SH3GL3: variants seen among roughly 807,000 people sequenced by gnomAD.
The protein encoded by SH3GL3 is SH3 domain containing GRB2 like 3, endophilin A3.
A neutral mutation model predicts 47.7 loss-of-function variants in SH3GL3; 33 were observed. That is an observed-to-expected ratio of 0.69 (90% CI 0.52 to 0.92). The LOEUF (loss-of-function observed/expected upper bound fraction) is 0.92. Among genes scored for constraint, SH3GL3 ranks in the 40% least tolerant of loss-of-function variants. The pLI is 0.00. For synonymous variants in SH3GL3, 155 were observed against 148.8 expected (o/e 1.04, Z -0.30); for missense variants, 363 against 417.8 (o/e 0.87, Z 1.14).
intron 1 of SH3GL3, among the ~76,000 whole-genome samples, chr15:83,526,485 TA>T (rs1011070658): frequency 6.6e-6 from 1 of 152,096 alleles, no homozygotes; most frequent in Non-Finnish European, 1.5e-5. Flanking sequence ...AATGCAGCCT[TA>T]AAAAAGAGTG....
At chr15:83,494,813 G>A (rs1007902903) in intron 1 of SH3GL3, among the ~76,000 whole-genome samples, 12 of 152,024 alleles carry the variant, frequency 7.9e-5, no homozygotes, top group Non-Finnish European at 1.5e-4. Flanking sequence ...CAGTGTGCTG[G>A]GATTACAGGT....
At chr15:83,609,256 A>G (rs757970233) in intron 8 of SH3GL3, 2 of 456,048 alleles carry the variant, frequency 4.4e-6, no homozygotes, top group East Asian at 6.9e-5. Flanking sequence ...ATAATCGGTT[A>G]TCTGATTTCC....
chr15:83,542,467 T>A (rs2044211722), intron 1 of SH3GL3, among the ~76,000 whole-genome samples: 1 of 152,194 alleles, frequency 6.6e-6, no homozygotes, highest in South Asian at 2.1e-4. Flanking sequence ...CTTTTGTGAT[T>A]CCATATAAGT....
At chr15:83,593,550 T>A (rs1344555370) in intron 8 of SH3GL3, among the ~76,000 whole-genome samples, 1 of 152,238 alleles carries the variant, frequency 6.6e-6, no homozygotes, top group African/African-American at 2.4e-5. Flanking sequence ...TGATCTTGTA[T>A]CCTGCCATGT....
At chr15:83,609,467 G>A in intron 8 of SH3GL3, 1 of 372,858 alleles carries the variant, frequency 2.7e-6, no homozygotes, top group Admixed American at 3.4e-5. Flanking sequence ...CCCTACTCAG[G>A]TCAGTAGCTT....
At chr15:83,478,785 A>T (rs959143827) in intron 1 of SH3GL3, among the ~76,000 whole-genome samples, 1 of 152,174 alleles carries the variant, frequency 6.6e-6, no homozygotes, top group Non-Finnish European at 1.5e-5. Flanking sequence ...CGGTGGACTC[A>T]ACTTTGGGGA....
chr15:83,613,504 G>A (rs2060725686), intron 8 of SH3GL3, among the ~76,000 whole-genome samples: 1 of 152,206 alleles, frequency 6.6e-6, no homozygotes. Context: ...ACACATGGAG[G>A]TGGTGGCCTG....
Position 83,565,151 on chromosome 15 carries a change from T to C in SH3GL3, c.132T>C (p.Asn44=). The change falls in exon 3 of 9, where the codon AAT becomes AAC. Residue 44 remains asparagine, a synonymous_variant. Transcript: ENST00000427482. ...CTTTTAAGAAAATAGATGTTACCAA[T>C]AAAGTTGTTGCAGAAATTCTTTCAA... ...LDMERKIDVT[N]KVVAEILSKT... 1 of 1,556,076 alleles carries C rather than the reference T, an allele frequency of 6.4e-7. No homozygotes were observed. The highest frequency in any genetic ancestry group is 8.8e-7 in the Non-Finnish European group (1 of 1,133,640).
intron 8 of SH3GL3, among the ~76,000 whole-genome samples, chr15:83,591,418 C>G (rs1321024395): frequency 6.6e-6 from 1 of 151,118 alleles, no homozygotes; most frequent in Non-Finnish European, 1.5e-5. Flanking sequence ...ACACACATTG[C>G]TCATATAAGC....
rs201410848 is a variant in SH3GL3 at position 83,568,607 on chromosome 15, C to T, written c.266C>T (p.Thr89Met). Reference protein sequence around the residue: ...GQVKTTGYPQTEGLLGDCMLK... With the variant: ...GQVKTTGYPQMEGLLGDCMLK... ...GTGAAGACCACAGGATACCCGCAGA[C>T]GGAAGGCTTGCTGGGGGACTGTATG... The change falls in exon 4 of 9, where the codon ACG becomes ATG. Residue 89 changes from threonine (T) to methionine (M), a missense_variant. Coordinates refer to ENST00000427482, the MANE Select transcript of SH3GL3 (RefSeq NM_003027.5). 2.7e-5 allele frequency: 43 copies of T among 1,613,384 alleles called. No individual in the cohort carries two copies. The highest frequency in any genetic ancestry group is 1.3e-4 in the Admixed American group (8 of 60,014).
At chr15:83,591,090 C>A (rs938481770) in intron 8 of SH3GL3, among the ~76,000 whole-genome samples, 3 of 152,168 alleles carry the variant, frequency 2.0e-5, no homozygotes, top group African/African-American at 7.2e-5. Flanking sequence ...TCACTGCAAC[C>A]TCCGCCTCCC....
At chr15:83,550,977 A>G (rs184292628) in intron 1 of SH3GL3, among the ~76,000 whole-genome samples, 1 of 152,226 alleles carries the variant, frequency 6.6e-6, no homozygotes, top group Non-Finnish European at 1.5e-5. Flanking sequence ...TTCTTGCTTC[A>G]TGAAAGGGAA....
chr15:83,618,603 T>A lies in SH3GL3; in HGVS notation c.*316T>A. 2 of 288,276 alleles carry A rather than the reference T, an allele frequency of 6.9e-6. No individual in the cohort carries two copies. The highest frequency in any genetic ancestry group is 1.2e-4 in the South Asian group (2 of 17,224). The allele number at this position is 288,276 out of a possible 1,614,324, so 17.9% of individuals were successfully genotyped here. A position where few individuals can be genotyped will look rare whatever the true frequency, so the allele number is the denominator to read the frequency against. On this transcript the variant is annotated 3_prime_UTR_variant, in exon 9 of 9. Transcript: ENST00000427482. ...AATGGCCTATATTCCTCAGCTGCAA[T>A]GAAATGGTAACATTTGAAACTAAGA...
At position 83,463,006 on chromosome 15, in the gene SH3GL3, G is replaced by A. The variant is rs111648226; in HGVS notation, c.45+15428G>A. 3.9e-5 allele frequency among the ~76,000 whole-genome samples: 6 copies of A among 152,238 alleles called. No homozygotes were observed. The South Asian group carries it at 8.3e-4, about 21-fold the overall frequency. ...CCAAAGAAAGATCTTGATTAAAAGG[G>A]GGAAACGTGAAAGTTGCAGATATGA... On this transcript the variant is annotated intron_variant, in intron 1 of 8. Coordinates refer to ENST00000427482, the MANE Select transcript of SH3GL3 (RefSeq NM_003027.5).
intron 8 of SH3GL3, among the ~76,000 whole-genome samples, chr15:83,611,108 A>G (rs1361277404): frequency 2.6e-5 from 4 of 151,850 alleles, no homozygotes; most frequent in African/African-American, 4.8e-5. Context: ...TCCTGCTGTT[A>G]AAATAAGAGG....
intron 8 of SH3GL3, among the ~76,000 whole-genome samples, chr15:83,615,028 A>C (rs1330370685): frequency 6.6e-6 from 1 of 152,104 alleles, no homozygotes; most frequent in Non-Finnish European, 1.5e-5. Flanking sequence ...TGAAGTCTAG[A>C]GGGAGGAAAA....
At chr15:83,492,316 C>T (rs900336473) in intron 1 of SH3GL3, among the ~76,000 whole-genome samples, 1 of 143,810 alleles carries the variant, frequency 7.0e-6, no homozygotes, top group Non-Finnish European at 1.5e-5. Flanking sequence ...AAGGTATGGA[C>T]GATAAGGGGT....
At chr15:83,593,999 C>T (rs937924600) in intron 8 of SH3GL3, among the ~76,000 whole-genome samples, 2 of 151,960 alleles carry the variant, frequency 1.3e-5, no homozygotes, top group Admixed American at 1.3e-4. Context: ...TTGTATCTTT[C>T]GTAGAGATGA....
At chr15:83,631,607 G>A in the SH3GL3 span, among the ~76,000 whole-genome samples, 1 of 152,230 alleles carries the variant, frequency 6.6e-6, no homozygotes, top group Non-Finnish European at 1.5e-5. Context: ...ACCCTCTGAA[G>A]CAACACCCTG....
Sources: gnomAD v4.1 joint callset for allele counts (sites outside exome capture counted in the v4.1 genomes callset) on GRCh38, gnomAD v4.1.1 for gene constraint, MANE v1.5 for transcripts, NCBI Gene and HGNC (gene_info 2026-07-23, HGNC 2026-07-21) for gene names.